Variants in POGLUT2 observed in about 807,000 individuals in gnomAD.
The protein encoded by POGLUT2 is ER protein 58.
A neutral mutation model predicts 57.6 loss-of-function variants in POGLUT2; 47 were observed. The observed-to-expected ratio is 0.82, with a 90% CI of 0.65 to 1.04. The LOEUF is 1.04. POGLUT2 is among the 50% of genes least tolerant of loss of function. The probability of loss-of-function intolerance (pLI) is 0.00; values close to 1 mark genes in which losing one functional copy is unlikely to be tolerated. For missense variants in POGLUT2, 565 were observed against 614.8 expected, an observed-to-expected ratio of 0.92 and a Z score of 0.86; for synonymous variants, 200 against 218.8, an observed-to-expected ratio of 0.91 and a Z score of 0.76.
rs370289144 is a variant in POGLUT2 at position 102,795,049 on chromosome 13, C to T, written c.389-1243G>A. Among the ~76,000 whole-genome samples the T allele has an allele frequency of 1.6e-4, 24 of 148,934 alleles. No homozygotes were observed. In the East Asian group the frequency reaches 2.6e-3, roughly 16 times the overall value. ...CGGGCGGATCACGAGGTCAGGAGAT[C>T]GAGACCATCCTGGTCAACATGGTGA... is the stretch of plus-strand genomic sequence containing the variant. On this transcript the variant is annotated intron_variant, in intron 2 of 9. Transcript: ENST00000376004.
chr13:102,798,300 T>TATACA (rs1274752707), intron 1 of POGLUT2, among the ~76,000 whole-genome samples, 189 bp downstream of exon 1: 2 of 152,244 alleles, frequency 1.3e-5, no homozygotes, highest in African/African-American at 2.4e-5. Flanking sequence ...TTATATGTTA[T>TATACA]ATACAATACA....
Position 102,796,991 on chromosome 13 carries a change from G to T in POGLUT2, c.201C>A (p.Gly67=), listed in dbSNP as rs774195435. The change falls in exon 2 of 10, where the codon GGC becomes GGA. Residue 67 remains glycine (G), a synonymous_variant. Transcript: ENST00000376004. Reference sequence around the variant, plus strand: ...AGACTTTCACCTGGAAGACCTTTTCGCCTGGAGAAGATGTGAATCTGTGAT... The same window carrying T: ...AGACTTTCACCTGGAAGACCTTTTCTCCTGGAGAAGATGTGAATCTGTGAT... The part of the protein sequence containing the change: ...TSGNKFTSSP[G]EKVFQVKVSA... 1.9e-6 allele frequency: 3 copies of T among 1,612,146 alleles called. No individual in the cohort carries two copies. Among genetic ancestry groups the T allele is most frequent in the South Asian group, 1.1e-5 (1 of 90,948 alleles).
rs367787403 is a variant in POGLUT2, at chr13:102,796,393, C to T, written c.388+411G>A. 2.7e-4 allele frequency among the ~76,000 whole-genome samples: 40 copies of T among 150,840 alleles called. No homozygotes were observed. The East Asian group carries it at 7.2e-3, about 27-fold the overall frequency. On this transcript the variant is annotated intron_variant, in intron 2 of 9. Transcript: ENST00000376004. ...GGAACAAAGACAAAAAAACAACCAC[C>T]AGTGCGCTCCTTGTCTTTCGAGCTA... is the stretch of plus-strand genomic sequence containing the variant.
intron 2 of POGLUT2, 151 bp from the exon 3 acceptor site, chr13:102,793,957 G>T: frequency 1.4e-6 from 1 of 722,450 alleles, no homozygotes. Flanking sequence ...AGAATTACAG[G>T]CCAGCAAGGT....
intron 1 of POGLUT2, among the ~76,000 whole-genome samples, chr13:102,797,294 G>A (rs777686731): frequency 2.0e-5 from 3 of 152,182 alleles, no homozygotes; most frequent in African/African-American, 7.2e-5. Flanking sequence ...ACATACTCAT[G>A]CATTCCATAT....
chr13:102,790,902 T>A lies in POGLUT2; in HGVS notation c.1082A>T (p.Lys361Met). The A allele has an allele frequency of 6.4e-7, 1 of 1,572,872 alleles. No individual in the cohort carries two copies. Among genetic ancestry groups the A allele is most frequent in the Non-Finnish European group, 8.8e-7 (1 of 1,142,476 alleles). The part of the protein sequence containing the change: ...VKHISFFDFF[K>M]HKYQINIDGT... ...GATTAGCTACTGATTAAGTCATACC[T>A]TGAAGAAATCAAAAAATGAAATATG... Residue 361 changes from lysine to methionine, a missense_variant and splice_region_variant, in exon 6 of 10, where the codon AAG becomes ATG. Transcript: ENST00000376004.
chr13:102,791,296 C>T lies in POGLUT2; in HGVS notation c.807G>A (p.Thr269=), dbSNP rs746820481. ...STDSKDIVMP[T]YDLTDSVLET... ...CCAGAACAGAATCAGTCAAATCGTA[C>T]GTAGGCATCACGATATCCTTGGAAT... The change falls in exon 5 of 10, where the codon ACG becomes ACA. Residue 269 remains threonine (T), a synonymous_variant. Transcript: ENST00000376004. The T allele has an allele frequency of 1.6e-5, 26 of 1,609,840 alleles. No homozygotes were observed. Among genetic ancestry groups the T allele is most frequent in the Admixed American group, 1.2e-4 (7 of 58,716 alleles).
chr13:102,791,057 C>A lies in POGLUT2; in HGVS notation c.927G>T (p.Gly309=), dbSNP rs747347026. 6.2e-7 allele frequency: 1 copy of A among 1,614,172 alleles called. No homozygotes were observed. Among genetic ancestry groups the A allele is most frequent in the South Asian group, 1.1e-5 (1 of 91,080 alleles). ...CGAGTCTCTCTTTGCGGCTGTCTCG[C>A]CCTCTCCAGACGGCAGTGGAATTTT... ...ESKNSTAVWR[G]RDSRKERLEL... Residue 309 remains glycine, a synonymous_variant, in exon 6 of 10, where the codon GGG becomes GGT. Coordinates refer to ENST00000376004, the MANE Select transcript of POGLUT2 (RefSeq NM_024089.3).
At position 102,793,065 on chromosome 13, in the gene POGLUT2, G is replaced by A. The variant is rs1185324299; in HGVS notation, c.672+276C>T. On this transcript the variant is annotated intron_variant, in intron 4 of 9. Transcript: ENST00000376004. ...TGCTAGGATTACAGGCGTGAGCCAT[G>A]GCACCTAGCTGACACTTTGATTTTG... 3.1e-5 allele frequency: 11 copies of A among 353,800 alleles called. No individual in the cohort carries two copies. The East Asian group carries it at 6.1e-4, about 20-fold the overall frequency. The allele number at this position is 353,800 out of a possible 1,614,324, so 21.9% of individuals were successfully genotyped here.
At chr13:102,787,967 T>C (rs1378272159) in intron 7 of POGLUT2, 44 bp from the exon 8 acceptor site, 1 of 1,299,092 alleles carries the variant, frequency 7.7e-7, no homozygotes. Flanking sequence ...GAATCCATTT[T>C]TCCCATGCAG....
At chr13:102,787,408 A>C (rs1033453859) in intron 8 of POGLUT2, among the ~76,000 whole-genome samples, 3 of 152,158 alleles carry the variant, frequency 2.0e-5, no homozygotes, top group African/African-American at 7.2e-5. Flanking sequence ...CAATCTCTAA[A>C]TGCTTAGGTC....
intron 9 of POGLUT2, 132 bp downstream of exon 9, chr13:102,786,100 A>G: frequency 3.1e-6 from 2 of 648,270 alleles, no homozygotes; most frequent in Non-Finnish European, 5.6e-6. Flanking sequence ...TCTCTGGCAG[A>G]CTGAATTGCT....
At chr13:102,793,100 C>T in intron 4 of POGLUT2, 1 of 419,126 alleles carries the variant, frequency 2.4e-6, no homozygotes, top group Non-Finnish European at 4.3e-6. Context: ...GGACATCTGG[C>T]CTCCATAACT....
chr13:102,793,630 G>T lies in POGLUT2; in HGVS notation c.565C>A (p.Leu189Ile). 6.2e-7 allele frequency: 1 copy of T among 1,613,986 alleles called. No individual in the cohort carries two copies. ...TTATCCTTTAAGGTGTAGTGACATA[G>T]GCTCTGCCTCTGTCCAAATCTTTTT... ...IPKRFGQRQS[L>I]CHYTLKDNKV... Residue 189 changes from leucine to isoleucine, a missense_variant, in exon 3 of 10, where the codon CTA becomes ATA. Leu to Ile is a conservative substitution (Grantham distance 5, BLOSUM62 2). Transcript: ENST00000376004.
At chr13:102,786,840 C>T (rs754806994) in intron 8 of POGLUT2, among the ~76,000 whole-genome samples, 34 of 152,054 alleles carry the variant, frequency 2.2e-4, no homozygotes, top group Admixed American at 3.9e-4. Context: ...TCATTTTACA[C>T]GGTTTGTCCT....
intron 7 of POGLUT2, among the ~76,000 whole-genome samples, chr13:102,788,469 TTTG>T (rs753434224): frequency 1.3e-5 from 2 of 152,014 alleles, no homozygotes; most frequent in African/African-American, 2.4e-5. Flanking sequence ...AGTTTAGCTT[TTTG>T]TTGTTGTTGT....
rs1878545851 is a variant in POGLUT2 at position 102,798,653 on chromosome 13, T to C, written c.18A>G (p.Leu6=). 6.2e-7 allele frequency: 1 copy of C among 1,601,684 alleles called. No individual in the cohort carries two copies. Among genetic ancestry groups the C allele is most frequent in the Non-Finnish European group, 8.5e-7 (1 of 1,174,160 alleles). The change falls in exon 1 of 10, where the codon CTA becomes CTG. Residue 6 remains leucine (L), a synonymous_variant. Transcript: ENST00000376004. MFGTL[L]LYCFFLATVP... ...CTGTCGCCAGAAAGAAGCAATAAAG[T>C]AGCAAAGTGCCAAACATTTACAAGA...
At chr13:102,792,137 C>G (rs532122607) in intron 4 of POGLUT2, 3 of 1,224,092 alleles carry the variant, frequency 2.5e-6, no homozygotes, top group South Asian at 2.9e-5. Flanking sequence ...ATATAACTAC[C>G]TACATTCAGA....
At chr13:102,798,403 A>G in intron 1 of POGLUT2, 86 bp downstream of exon 1, 1 of 1,284,832 alleles carries the variant, frequency 7.8e-7, no homozygotes, top group East Asian at 2.4e-5. Flanking sequence ...GCTGTGGAGA[A>G]ACGAGTTCTT....
Sources: gnomAD v4.1 joint callset for allele counts (sites outside exome capture counted in the v4.1 genomes callset) on GRCh38, gnomAD v4.1.1 for gene constraint, MANE v1.5 for transcripts, NCBI Gene and HGNC (gene_info 2026-07-23, HGNC 2026-07-21) for gene names.